RUFY4: variants seen among roughly 807,000 people sequenced by gnomAD.
The protein encoded by RUFY4 is RUN and FYVE domain containing 4.
Under a neutral mutation model 69.0 loss-of-function variants are expected in RUFY4, and 73 were observed. That is an observed-to-expected ratio of 1.06 (90% confidence interval 0.88 to 1.29). The LOEUF is 1.29. Ranked by LOEUF, RUFY4 falls within the 50% of genes most tolerant of loss-of-function variation. The pLI is 0.00. For synonymous variants in RUFY4, 287 were observed against 271.8 expected, an observed-to-expected ratio of 1.06 and a Z score of -0.55; for missense variants, 770 against 705.6, an observed-to-expected ratio of 1.09 and a Z score of -1.03.
chr2:218,089,298 G>T (rs746183486), exon 10 of RUFY4: 5 of 1,613,804 alleles, frequency 3.1e-6, no homozygotes, highest in Non-Finnish European at 4.2e-6. Context: ...CTCTTCCATG[G>T]CTCCCGAGTG....
At chr2:218,054,488 G>T (rs1689014376) in intron 2 of RUFY4, among the ~76,000 whole-genome samples, 2 of 150,496 alleles carry the variant, frequency 1.3e-5, no homozygotes, top group African/African-American at 4.9e-5. Context: ...CCAGGAAGTG[G>T]AGGTTGCAGT....
intron 2 of RUFY4, among the ~76,000 whole-genome samples, chr2:218,055,750 G>T (rs1258566677): frequency 6.6e-6 from 1 of 152,028 alleles, no homozygotes; most frequent in African/African-American, 2.4e-5. Flanking sequence ...CTGATGTATG[G>T]GTCCACCCAG....
chr2:218,078,654 T>G (rs1188888051), intron 8 of RUFY4, among the ~76,000 whole-genome samples: 1 of 152,194 alleles, frequency 6.6e-6, no homozygotes, highest in East Asian at 1.9e-4. Flanking sequence ...TTCAAATGCT[T>G]AACAATTAAA....
chr2:218,079,055 G>T (rs1327951398), intron 8 of RUFY4, among the ~76,000 whole-genome samples: 2 of 152,142 alleles, frequency 1.3e-5, no homozygotes, highest in Admixed American at 1.3e-4. Context: ...TTTTAGTAGA[G>T]ATGGGGTTTC....
At chr2:218,067,520 C>T (rs1689369742), upstream of RUFY4, among the ~76,000 whole-genome samples, 8 of 152,172 alleles carry the variant, frequency 5.3e-5, no homozygotes. Context: ...TCCCTAAGCC[C>T]CTGAAGAGGG....
Position 218,083,376 on chromosome 2 carries a change from A to G in RUFY4, c.1502+120A>G, listed in dbSNP as rs1391557276. On this transcript the variant is annotated intron_variant, in intron 9 of 10. Coordinates refer to ENST00000344321, the Ensembl canonical transcript of RUFY4. Reference sequence around the variant, plus strand: ...CCAAGCAGGGTTCTAGACCTTTTATATAAGCTAACCCTTCTGTTTCTTTTA... The same window carrying G: ...CCAAGCAGGGTTCTAGACCTTTTATGTAAGCTAACCCTTCTGTTTCTTTTA... The G allele has an allele frequency of 4.6e-5, 59 of 1,294,860 alleles. No homozygotes were observed. In the East Asian group the frequency reaches 1.5e-3, roughly 32 times the overall value. The allele number at this position is 1,294,860 out of a possible 1,614,324, so 80.2% of individuals were successfully genotyped here.
At chr2:218,073,012 G>A in intron 4 of RUFY4, 127 bp downstream of exon 6, 1 of 980,186 alleles carries the variant, frequency 1.0e-6, no homozygotes. Flanking sequence ...AGTCATGAAG[G>A]AAAAATCAAG....
At chr2:218,083,296 G>A in intron 9 of RUFY4, 40 bp downstream of exon 11, 3 of 1,546,152 alleles carry the variant, frequency 1.9e-6, no homozygotes, top group Non-Finnish European at 2.6e-6. Flanking sequence ...ACAGATGGGG[G>A]AACGGTAAGG....
chr2:218,044,980 T>C (rs949153463), intron 2 of RUFY4, among the ~76,000 whole-genome samples: 6 of 152,200 alleles, frequency 3.9e-5, no homozygotes, highest in Non-Finnish European at 7.3e-5. Context: ...CTGGGTAGAA[T>C]TGTATTTGTG....
chr2:218,073,541 C>T (rs1172422923), intron 5 of RUFY4, among the ~76,000 whole-genome samples, 155 bp downstream of exon 7: 2 of 152,312 alleles, frequency 1.3e-5, no homozygotes, highest in African/African-American at 2.4e-5. Context: ...CTCGATGCTC[C>T]CAGTGCAAAT....
At chr2:218,073,860 GAAA>G (rs1212549134) in exon 6 of RUFY4, 1 of 1,613,826 alleles carries the variant, frequency 6.2e-7, no homozygotes, top group Non-Finnish European at 8.5e-7. Context: ...AGGAGACCCA[GAAA>G]AAACAAAGAT....
intron 6 of RUFY4, among the ~76,000 whole-genome samples, chr2:218,074,594 A>G (rs1327370112): frequency 6.6e-6 from 1 of 152,234 alleles, no homozygotes; most frequent in Admixed American, 6.5e-5. Context: ...ATACAATTTC[A>G]GTGTAAGTGA....
intron 3 of RUFY4, among the ~76,000 whole-genome samples, chr2:218,058,834 C>T (rs1031015168): frequency 2.0e-5 from 3 of 152,122 alleles, no homozygotes; most frequent in Non-Finnish European, 4.4e-5. Flanking sequence ...GGTGAACTTA[C>T]TCAACCCTTT....
intron 9 of RUFY4, among the ~76,000 whole-genome samples, chr2:218,085,303 A>G (rs1689866768): frequency 6.6e-6 from 1 of 152,170 alleles, no homozygotes; most frequent in Admixed American, 6.5e-5. Context: ...TAAACTATGT[A>G]ATACAATGTC....
upstream of RUFY4, chr2:218,069,087 C>A (rs937362500): frequency 1.3e-5 from 2 of 152,356 alleles, no homozygotes; most frequent in Non-Finnish European, 2.9e-5. Context: ...GACTCTACCC[C>A]AGGTGGGCCT....
intron 9 of RUFY4, among the ~76,000 whole-genome samples, 165 bp downstream of exon 11, chr2:218,083,421 C>G (rs1689815438): frequency 6.6e-6 from 1 of 152,042 alleles, no homozygotes; most frequent in African/African-American, 2.4e-5. Context: ...TGCTGTTATC[C>G]CCATTTTACA....
At chr2:218,085,641 T>C (rs1268586832) in intron 9 of RUFY4, among the ~76,000 whole-genome samples, 1 of 152,186 alleles carries the variant, frequency 6.6e-6, no homozygotes, top group African/African-American at 2.4e-5. Flanking sequence ...AGATGAGGAA[T>C]AAAGTCATTA....
intron 7 of RUFY4, 97 bp downstream of exon 9, chr2:218,075,837 A>C: frequency 8.1e-7 from 1 of 1,233,394 alleles, no homozygotes; most frequent in Non-Finnish European, 1.1e-6. Flanking sequence ...ATTCCCTCCC[A>C]CGGGTCAATT....
Position 218,075,393 on chromosome 2 carries a change from G to A in RUFY4, c.901G>A (p.Gly301Arg), listed in dbSNP as rs1404450826. The stretch of plus-strand genomic sequence containing the variant: ...ACCCAGCACCCAGGGACAGGGGAAG[G>A]GGGCTATGGGCACTCAGAAGGAGGT... The change falls in exon 7 of 11, where the codon GGG becomes AGG. Residue 301 changes from glycine (G) to arginine (R), a missense_variant. Transcript: ENST00000344321. 2.5e-6 allele frequency: 4 copies of A among 1,613,264 alleles called. No individual in the cohort carries two copies. The highest frequency in any genetic ancestry group is 2.2e-5 in the South Asian group (2 of 90,904).
Sources: allele counts gnomAD v4.1 joint callset (sites outside exome capture counted in the v4.1 genomes callset), GRCh38; gene constraint gnomAD v4.1.1; transcripts MANE v1.5; gene names NCBI Gene and HGNC (gene_info 2026-07-23, HGNC 2026-07-21).